Variants in PTPN4 observed in about 807,000 individuals in gnomAD.
PTPN4 encodes the protein protein tyrosine phosphatase non-receptor type 4.
In PTPN4, 49 loss-of-function variants were observed where a neutral mutation model predicts 135.5. The ratio of observed to expected loss-of-function variants is 0.36; its 90% CI spans 0.29 to 0.46. The LOEUF is 0.46. Ranked by LOEUF, PTPN4 falls within the 20% of genes least tolerant of loss-of-function variation. PTPN4 has a pLI of 1.00. For missense variants in PTPN4, 860 were observed against 1,101.0 expected, an observed-to-expected ratio of 0.78 and a Z score of 3.10; for synonymous variants, 333 against 369.9, an observed-to-expected ratio of 0.90 and a Z score of 1.14.
intron 1 of PTPN4, among the ~76,000 whole-genome samples, chr2:119,796,535 AGTTCT>A (rs1241072918): frequency 2.0e-5 from 3 of 152,178 alleles, no homozygotes; most frequent in African/African-American, 7.2e-5. Context: ...ATGTATGAAT[AGTTCT>A]GTTTTATTAC....
chr2:119,877,274 G>A, intron 3 of PTPN4, 49 bp from the exon 4 acceptor site: 1 of 1,572,592 alleles, frequency 6.4e-7, no homozygotes, highest in South Asian at 1.2e-5. Flanking sequence ...AATCAATATA[G>A]TAGTTCCTCA....
At chr2:119,946,466 T>C (rs1203045542) in intron 17 of PTPN4, 42 bp downstream of exon 17, 1 of 1,587,476 alleles carries the variant, frequency 6.3e-7, no homozygotes, top group Non-Finnish European at 8.6e-7. Flanking sequence ...TAAATTAAGA[T>C]GTTCTTATTT....
At chr2:119,967,291 C>CA (rs1679458006) in intron 25 of PTPN4, among the ~76,000 whole-genome samples, 4 of 151,580 alleles carry the variant, frequency 2.6e-5, no homozygotes, top group African/African-American at 7.3e-5. Context: ...ACTAAAAATA[C>CA]AAAAAAAATT....
chr2:119,761,706 T>G (rs923367424), intron 1 of PTPN4, among the ~76,000 whole-genome samples: 1 of 152,212 alleles, frequency 6.6e-6, no homozygotes, highest in Non-Finnish European at 1.5e-5. Flanking sequence ...TATCATAATC[T>G]TCAGTGATTT....
At chr2:119,939,942 T>G (rs771356597) in intron 15 of PTPN4, among the ~76,000 whole-genome samples, 2 of 152,182 alleles carry the variant, frequency 1.3e-5, no homozygotes, top group Non-Finnish European at 2.9e-5. Flanking sequence ...ATGTAACATA[T>G]TAGATGCTGT....
At chr2:119,781,535 G>A (rs192677635) in intron 1 of PTPN4, among the ~76,000 whole-genome samples, 3 of 152,200 alleles carry the variant, frequency 2.0e-5, no homozygotes, top group African/African-American at 2.4e-5. Context: ...TATAAAGTTC[G>A]GAGTTTTTTA....
chr2:119,936,904 AT>A (rs1678992459), intron 15 of PTPN4, among the ~76,000 whole-genome samples: 1 of 152,194 alleles, frequency 6.6e-6, no homozygotes. Context: ...TGCATTTGAC[AT>A]TCAACCAGTT....
At chr2:119,907,458 G>T (rs763931917) in intron 10 of PTPN4, among the ~76,000 whole-genome samples, 2 of 152,062 alleles carry the variant, frequency 1.3e-5, no homozygotes, top group African/African-American at 4.8e-5. Flanking sequence ...TTAAAAATTA[G>T]CTGGGCATAA....
intron 1 of PTPN4, among the ~76,000 whole-genome samples, chr2:119,802,417 T>C (rs1391960674): frequency 2.6e-5 from 4 of 152,226 alleles, no homozygotes. Context: ...GAATTTTTTA[T>C]TATGAATGGG....
chr2:119,938,159 A>T (rs1375026154), intron 15 of PTPN4, among the ~76,000 whole-genome samples: 1 of 124,712 alleles, frequency 8.0e-6, no homozygotes, highest in East Asian at 2.3e-4. Context: ...ACAAAGTCTC[A>T]CTCTGTCGCC....
chr2:119,927,503 G>T (rs1480694994), intron 13 of PTPN4, among the ~76,000 whole-genome samples: 2 of 152,132 alleles, frequency 1.3e-5, no homozygotes, highest in African/African-American at 4.8e-5. Flanking sequence ...ATGGATTAGC[G>T]AGGAAAGCCT....
At chr2:119,851,476 C>T (rs1450364056) in intron 2 of PTPN4, among the ~76,000 whole-genome samples, 1 of 152,208 alleles carries the variant, frequency 6.6e-6, no homozygotes, top group East Asian at 1.9e-4. Context: ...GGACTTCTGG[C>T]ATCTTGGAAC....
At chr2:119,905,035 CAA>C (rs35974878) in intron 10 of PTPN4, among the ~76,000 whole-genome samples, 30 of 96,486 alleles carry the variant, frequency 3.1e-4, no homozygotes, top group African/African-American at 4.6e-4. Flanking sequence ...GTTATTACTA[CAA>C]AAAAAAAAAA....
chr2:119,948,218 TA>T (rs1170318387), intron 18 of PTPN4, among the ~76,000 whole-genome samples: 1 of 152,128 alleles, frequency 6.6e-6, no homozygotes, highest in Non-Finnish European at 1.5e-5. Context: ...ATCTATCATG[TA>T]CAAAGTTAAT....
chr2:119,825,444 G>T (rs1381101952), intron 2 of PTPN4, among the ~76,000 whole-genome samples: 1 of 151,392 alleles, frequency 6.6e-6, no homozygotes, highest in Non-Finnish European at 1.5e-5. Flanking sequence ...GGATTTTGCG[G>T]CTTGCCCACA....
intron 1 of PTPN4, among the ~76,000 whole-genome samples, chr2:119,797,917 G>A (rs1318190397): frequency 1.3e-5 from 2 of 151,664 alleles, no homozygotes; most frequent in African/African-American, 4.8e-5. Context: ...TTTATAGTTC[G>A]AACATCATTT....
intron 1 of PTPN4, among the ~76,000 whole-genome samples, chr2:119,776,573 C>G (rs971746651): frequency 1.3e-5 from 2 of 152,076 alleles, no homozygotes. Flanking sequence ...CTCCTGCTTC[C>G]CCTTCCACTT....
intron 1 of PTPN4, among the ~76,000 whole-genome samples, chr2:119,807,964 A>T (rs753905392): frequency 6.6e-6 from 1 of 152,272 alleles, no homozygotes; most frequent in East Asian, 1.9e-4. Flanking sequence ...AACAGAAGCA[A>T]TGACAAAAAC....
At chr2:119,863,683 T>G (rs762952143) in intron 3 of PTPN4, among the ~76,000 whole-genome samples, 8 of 152,180 alleles carry the variant, frequency 5.3e-5, no homozygotes, top group Non-Finnish European at 8.8e-5. Context: ...CATTTACTGA[T>G]TTTGTATTAC....
Sources: gnomAD v4.1 joint callset for allele counts (sites outside exome capture counted in the v4.1 genomes callset) on GRCh38, gnomAD v4.1.1 for gene constraint, MANE v1.5 for transcripts, NCBI Gene and HGNC (gene_info 2026-07-23, HGNC 2026-07-21) for gene names.